LY75: variants seen among roughly 807,000 people sequenced by gnomAD.
The protein encoded by LY75 is C-type lectin domain family 13 member B.
LY75 carries 185 observed loss-of-function variants against 231.7 expected under a neutral mutation model. That is an observed-to-expected ratio of 0.80 (90% CI 0.71 to 0.90). The LOEUF is 0.90. Among genes scored for constraint, LY75 ranks in the 40% least tolerant of loss-of-function variants. LY75 has a pLI of 0.00. For synonymous variants in LY75, 668 were observed against 689.0 expected (o/e 0.97, Z 0.48); for missense variants, 1,947 against 2,050.2 (o/e 0.95, Z 0.97).
intron 28 of LY75, among the ~76,000 whole-genome samples, chr2:159,827,096 A>G (rs1191017214): frequency 6.6e-6 from 1 of 152,250 alleles, no homozygotes; most frequent in Non-Finnish European, 1.5e-5. Context: ...AACAAAAGCC[A>G]AAATTGACAA....
chr2:159,820,048 G>C (rs1683241951), intron 28 of LY75, 128 bp from the exon 29 acceptor site: 1 of 794,938 alleles, frequency 1.3e-6, no homozygotes, highest in Admixed American at 3.7e-5. Context: ...GTATGATTAT[G>C]TATAACCCTT....
chr2:159,873,684 G>A (rs923565149), intron 12 of LY75, among the ~76,000 whole-genome samples: 2 of 143,148 alleles, frequency 1.4e-5, no homozygotes, highest in African/African-American at 5.1e-5. Flanking sequence ...GCTGACTGAT[G>A]CAGACCAAAT....
chr2:159,850,789 T>TATATATATATATAAAA (rs796940571), intron 21 of LY75, among the ~76,000 whole-genome samples: 11 of 88,608 alleles, frequency 1.2e-4, no homozygotes, highest in South Asian at 2.5e-4. Flanking sequence ...TATATATATA[T>TATATATATATATAAAA]ATATATATAT....
At position 159,904,699 on chromosome 2, in the gene LY75, C is replaced by G; in HGVS notation, c.-17G>C. 4 of 1,414,454 alleles carry G rather than the reference C, an allele frequency of 2.8e-6. No individual in the cohort carries two copies. Among genetic ancestry groups the G allele is most frequent in the Non-Finnish European group, 3.7e-6 (4 of 1,091,628 alleles). 87.6% of individuals were successfully genotyped at this position (1,414,454 alleles called of 1,614,324 possible). On this transcript the variant is annotated 5_prime_UTR_variant, in exon 1 of 35. Transcript: ENST00000263636. ...TGTCCTCATCCTGAGCTGGCGCAAG[C>G]CTTCCGGCCGGGTCCTCGGGCGCAC...
chr2:159,825,133 C>CA (rs1473417189), intron 28 of LY75, among the ~76,000 whole-genome samples: 1 of 151,750 alleles, frequency 6.6e-6, no homozygotes, highest in Non-Finnish European at 1.5e-5. Context: ...GCGATAGAGA[C>CA]AAAAAAACAA....
chr2:159,820,864 C>A (rs12052715), intron 28 of LY75, among the ~76,000 whole-genome samples: 1 of 151,932 alleles, frequency 6.6e-6, no homozygotes, highest in Non-Finnish European at 1.5e-5. Context: ...CTTTGAGACA[C>A]AGTCTCACTC....
chr2:159,863,036 C>T (rs1233834742), intron 14 of LY75, among the ~76,000 whole-genome samples: 1 of 149,758 alleles, frequency 6.7e-6, no homozygotes, highest in Non-Finnish European at 1.5e-5. Context: ...TTTTAAATTC[C>T]ACATCTCAGT....
chr2:159,854,996 A>G (rs1684508378), intron 16 of LY75, 57 bp from the exon 17 acceptor site: 7 of 1,606,374 alleles, frequency 4.4e-6, no homozygotes, highest in Non-Finnish European at 6.0e-6. Flanking sequence ...AGGGTATACT[A>G]TAAGTACGGC....
intron 4 of LY75, among the ~76,000 whole-genome samples, chr2:159,889,665 T>C (rs2125881647): frequency 6.6e-6 from 1 of 152,324 alleles, no homozygotes; most frequent in African/African-American, 2.4e-5. Flanking sequence ...TTTATTCTTA[T>C]CTATTAAGTT....
chr2:159,902,238 T>C (rs772342452), intron 1 of LY75: 1 of 152,346 alleles, frequency 6.6e-6, no homozygotes, highest in Non-Finnish European at 1.5e-5. Flanking sequence ...AAGTACAATA[T>C]TGGGGCAAAT....
At chr2:159,878,768 G>A in intron 9 of LY75, 47 bp from the exon 10 acceptor site, 1 of 1,596,530 alleles carries the variant, frequency 6.3e-7, no homozygotes, top group Non-Finnish European at 8.6e-7. Context: ...AGACTTGATG[G>A]TGTCCCGTCT....
rs1355949854 is a variant in LY75, at chr2:159,875,540, C to T, written c.1878G>A (p.Met626Ile). ...CTTCTTCAGGCCCAAGGGGTCCACT[C>T]ATTTTCTTGCAAATTGAAAGTGCTT... is the stretch of plus-strand genomic sequence containing the variant. The part of the protein sequence containing the change: ...SFKALSICKK[M>I]SGPLGPEEAS... Residue 626 changes from methionine to isoleucine, a missense_variant, in exon 12 of 35, where the codon ATG (methionine) becomes ATA (isoleucine). By Grantham distance (10) the Met-to-Ile change is conservative. Coordinates refer to ENST00000263636, the MANE Select transcript of LY75 (RefSeq NM_002349.4). The T allele has an allele frequency of 3.7e-6, 6 of 1,614,124 alleles. No individual in the cohort carries two copies. In the South Asian group the frequency reaches 6.6e-5, roughly 18 times the overall value.
chr2:159,855,304 C>G (rs531167693), intron 16 of LY75, among the ~76,000 whole-genome samples: 2 of 152,054 alleles, frequency 1.3e-5, no homozygotes, highest in African/African-American at 4.8e-5. Flanking sequence ...GAAGTAGGAA[C>G]CAAAATAACG....
At position 159,803,710 on chromosome 2, in the gene LY75, G is replaced by T. The variant is rs1682721416; in HGVS notation, c.*1334C>A. The T allele has an allele frequency of 6.6e-6, 1 of 152,048 alleles. No individual in the cohort carries two copies. The highest frequency in any genetic ancestry group is 2.1e-4 in the South Asian group (1 of 4,828). 9.4% of individuals were successfully genotyped at this position (152,048 alleles called of 1,614,324 possible). On this transcript the variant is annotated 3_prime_UTR_variant, in exon 35 of 35. Transcript: ENST00000263636. ...TGCTATTACTAAGACTATAATCTAGGTGTCAAAACTTAAAGTGATAACCAC... is the reference window on the plus strand; with the variant it reads ...TGCTATTACTAAGACTATAATCTAGTTGTCAAAACTTAAAGTGATAACCAC...
intron 14 of LY75, among the ~76,000 whole-genome samples, chr2:159,862,224 G>A (rs994636554): frequency 6.7e-5 from 10 of 150,014 alleles, no homozygotes; most frequent in African/African-American, 1.5e-4. Context: ...CCCGGGAGGC[G>A]GAGCTTGCAG....
At position 159,886,455 on chromosome 2, in the gene LY75, T is replaced by C; in HGVS notation, c.878A>G (p.Asp293Gly). 1.9e-6 allele frequency: 3 copies of C among 1,610,824 alleles called. No individual in the cohort carries two copies. The highest frequency in any genetic ancestry group is 2.5e-6 in the Non-Finnish European group (3 of 1,178,282). The change falls in exon 5 of 35, where the codon GAC becomes GGC. Residue 293 changes from aspartate (D) to glycine (G), a missense_variant. Physicochemically the swap from Asp to Gly is moderately conservative, Grantham distance 94. Transcript: ENST00000263636. ...LYSARGWEWS[D>G]HKPLNFLNWD... is the part of the protein sequence containing the mutation. Reference sequence around the variant, plus strand: ...GTTGAGAAAGTTTAATGGTTTGTGGTCTGACCATTCCCAGCCTCTAGCAGA... The same window carrying C: ...GTTGAGAAAGTTTAATGGTTTGTGGCCTGACCATTCCCAGCCTCTAGCAGA...
chr2:159,836,473 T>C (rs1397562922), intron 25 of LY75, among the ~76,000 whole-genome samples: 2 of 152,174 alleles, frequency 1.3e-5, no homozygotes, highest in African/African-American at 4.8e-5. Flanking sequence ...GGAGATGGAT[T>C]GTGGGGTACA....
At chr2:159,899,621 C>T (rs1455863040) in intron 1 of LY75, among the ~76,000 whole-genome samples, 1 of 152,106 alleles carries the variant, frequency 6.6e-6, no homozygotes, top group Non-Finnish European at 1.5e-5. Flanking sequence ...TCTTCAGATC[C>T]AAGTACATAG....
chr2:159,878,339 T>C lies in LY75; in HGVS notation c.1759A>G (p.Asn587Asp). The change falls in exon 11 of 35, where the codon AAT becomes GAT. Residue 587 changes from asparagine to aspartate, a missense_variant. Transcript: ENST00000263636. The stretch of plus-strand genomic sequence containing the variant: ...AGACACTCACCTGGCTCAAGAAAAT[T>C]CCAGTTGGAAAAGGTTACAGCCCGC... Reference protein sequence around the residue: ...RRRAVTFSNWNFLEPASPGGC... With the variant: ...RRRAVTFSNWDFLEPASPGGC... The C allele has an allele frequency of 3.1e-6, 5 of 1,613,846 alleles. No individual in the cohort carries two copies. The highest frequency in any genetic ancestry group is 3.4e-6 in the Non-Finnish European group (4 of 1,179,894).
Sources: gnomAD v4.1 joint callset for allele counts (sites outside exome capture counted in the v4.1 genomes callset) on GRCh38, gnomAD v4.1.1 for gene constraint, MANE v1.5 for transcripts, NCBI Gene and HGNC (gene_info 2026-07-23, HGNC 2026-07-21) for gene names.